The following PTPRN2 variants were observed in gnomAD, a reference collection of about 807,000 sequenced individuals.
The protein encoded by PTPRN2 is protein tyrosine phosphatase receptor type N2, also known as receptor-type tyrosine-protein phosphatase N2.
Under a neutral mutation model 118.8 loss-of-function variants are expected in PTPRN2, and 74 were observed. The observed-to-expected ratio is 0.62, with a 90% CI of 0.52 to 0.76. The LOEUF (loss-of-function observed/expected upper bound fraction) is 0.76. Ranked by LOEUF, PTPRN2 falls within the 30% of genes least tolerant of loss-of-function variation. The pLI is 0.00. For synonymous variants in PTPRN2, 641 were observed against 608.0 expected (o/e 1.05, Z -0.80); for missense variants, 1,481 against 1,394.4 (o/e 1.06, Z -0.99).
At chr7:158,472,868 G>T (rs1320356370) in intron 2 of PTPRN2, among the ~76,000 whole-genome samples, 2 of 152,176 alleles carry the variant, frequency 1.3e-5, no homozygotes, top group East Asian at 3.9e-4. Context: ...GGCAGCAGTG[G>T]CGGCGGGGCG....
At chr7:158,177,793 T>A (rs918389250) in intron 5 of PTPRN2, among the ~76,000 whole-genome samples, 2 of 152,232 alleles carry the variant, frequency 1.3e-5, no homozygotes, top group Admixed American at 1.3e-4. Context: ...TTGGGTTTTT[T>A]CAGTTGTGGG....
At chr7:158,154,078 C>A (rs1330661396) in intron 6 of PTPRN2, among the ~76,000 whole-genome samples, 1 of 152,218 alleles carries the variant, frequency 6.6e-6, no homozygotes, top group Non-Finnish European at 1.5e-5. Flanking sequence ...GGCACCCACA[C>A]TGCCATGTTT....
chr7:158,369,963 AG>A (rs1443455069), intron 2 of PTPRN2, among the ~76,000 whole-genome samples: 3 of 152,218 alleles, frequency 2.0e-5, no homozygotes, highest in Non-Finnish European at 1.5e-5. Flanking sequence ...CTCAGCGGGC[AG>A]GAGGCCCAGT....
intron 9 of PTPRN2, among the ~76,000 whole-genome samples, chr7:158,121,007 G>A (rs1817126574): frequency 6.6e-6 from 1 of 152,094 alleles, no homozygotes. Flanking sequence ...AACCCTCCTG[G>A]CAGGCAAGTG....
chr7:158,384,105 A>T (rs1173683527), intron 2 of PTPRN2, among the ~76,000 whole-genome samples: 1 of 152,134 alleles, frequency 6.6e-6, no homozygotes, highest in Non-Finnish European at 1.5e-5. Flanking sequence ...TCACACACTC[A>T]TGATTTGCGT....
chr7:158,260,237 T>G (rs899976592), intron 3 of PTPRN2, among the ~76,000 whole-genome samples: 2 of 152,220 alleles, frequency 1.3e-5, no homozygotes, highest in African/African-American at 4.8e-5. Context: ...TTAGCAATGC[T>G]GAGGACTCTC....
intron 21 of PTPRN2, among the ~76,000 whole-genome samples, chr7:157,559,471 G>A (rs1204871453): frequency 6.6e-6 from 1 of 152,194 alleles, no homozygotes; most frequent in Non-Finnish European, 1.5e-5. Flanking sequence ...CAGAGTGGGT[G>A]GGAGCGAGAG....
intron 6 of PTPRN2, among the ~76,000 whole-genome samples, chr7:158,142,445 CTGT>C (rs1819478393): frequency 6.6e-6 from 1 of 152,252 alleles, no homozygotes; most frequent in South Asian, 2.1e-4. Context: ...AAGTAACAAA[CTGT>C]TGTTTCAACA....
At position 157,820,906 on chromosome 7, in the gene PTPRN2, G is replaced by A. The variant is rs111768360; in HGVS notation, c.1788+77767C>T. ...GGCTCACTTTTTGCCCTTTGGAGCC[G>A]AGGATGAAGGAAACAGTAACTGCCA... On this transcript the variant is annotated intron_variant, in intron 12 of 22. Coordinates refer to ENST00000389418, the MANE Select transcript of PTPRN2 (RefSeq NM_002847.5). Among the ~76,000 whole-genome samples, 8 of 152,342 alleles carry A rather than the reference G, an allele frequency of 5.3e-5. 2 individuals are homozygous for A. The highest frequency in any genetic ancestry group is 1.9e-4 in the East Asian group (1 of 5,184).
At chr7:157,851,424 A>C (rs1012339875) in intron 12 of PTPRN2, among the ~76,000 whole-genome samples, 1 of 152,166 alleles carries the variant, frequency 6.6e-6, no homozygotes, top group Non-Finnish European at 1.5e-5. Flanking sequence ...CTGAAACCCA[A>C]CCTACGGAGG....
chr7:157,675,996 A>C (rs1208901624), intron 13 of PTPRN2, among the ~76,000 whole-genome samples: 1 of 152,160 alleles, frequency 6.6e-6, no homozygotes, highest in East Asian at 1.9e-4. Context: ...AGCAGGCAGA[A>C]TGTGCCTCTT....
chr7:157,631,485 T>A (rs980785102), intron 14 of PTPRN2, among the ~76,000 whole-genome samples: 1 of 152,126 alleles, frequency 6.6e-6, no homozygotes, highest in South Asian at 2.1e-4. Flanking sequence ...GATCACGAGG[T>A]CAGGAGATCG....
intron 11 of PTPRN2, among the ~76,000 whole-genome samples, chr7:157,972,963 CA>C (rs1802455974): frequency 6.6e-6 from 1 of 151,820 alleles, no homozygotes; most frequent in African/African-American, 2.4e-5. Context: ...GAGCAGGCTT[CA>C]GAGACCGTAG....
intron 11 of PTPRN2, among the ~76,000 whole-genome samples, chr7:158,078,414 G>A (rs1657091911): frequency 6.6e-6 from 1 of 152,184 alleles, no homozygotes; most frequent in Admixed American, 6.5e-5. Context: ...GGTAACACAG[G>A]CACCACCACA....
At chr7:158,496,876 C>A (rs1306689658) in intron 1 of PTPRN2, among the ~76,000 whole-genome samples, 3 of 8,084 alleles carry the variant, frequency 3.7e-4, no homozygotes, top group African/African-American at 2.3e-3. Context: ...TCCCTGTGCC[C>A]CCTCCCCCTT....
intron 18 of PTPRN2, among the ~76,000 whole-genome samples, 183 bp from the exon 19 acceptor site, chr7:157,576,962 C>T (rs1401353175): frequency 6.6e-6 from 1 of 152,234 alleles, no homozygotes; most frequent in African/African-American, 2.4e-5. Context: ...CCAGTGTTAA[C>T]GCACTGAAGT....
rs145920529 is a variant in PTPRN2, at chr7:157,941,716, G to A, written c.1724-42979C>T. ...ATCCTGAAAGTGCAGGTCTCCCAGA[G>A]CCAGCCACACTCCCTATGCTGGGCT... is the stretch of plus-strand genomic sequence containing the variant. On this transcript the variant is annotated intron_variant, in intron 11 of 22. Coordinates refer to ENST00000389418, the MANE Select transcript of PTPRN2 (RefSeq NM_002847.5). Among the ~76,000 whole-genome samples the A allele has an allele frequency of 1.4e-4, 22 of 152,292 alleles. No individual in the cohort carries two copies. In the East Asian group the frequency reaches 3.1e-3, roughly 21 times the overall value.
intron 12 of PTPRN2, among the ~76,000 whole-genome samples, chr7:157,819,867 TCACA>T (rs1290029435): frequency 6.7e-6 from 1 of 149,646 alleles, no homozygotes; most frequent in Non-Finnish European, 1.5e-5. Flanking sequence ...ACACATGCAG[TCACA>T]CACACGCACA....
At chr7:157,923,295 T>C (rs186208399) in intron 11 of PTPRN2, among the ~76,000 whole-genome samples, 4 of 152,322 alleles carry the variant, frequency 2.6e-5, no homozygotes, top group East Asian at 1.9e-4. Flanking sequence ...CCATAAGTTA[T>C]GATGCTTGTG....
Sources: allele counts gnomAD v4.1 joint callset (sites outside exome capture counted in the v4.1 genomes callset), GRCh38; gene constraint gnomAD v4.1.1; transcripts MANE v1.5; gene names NCBI Gene and HGNC (gene_info 2026-07-23, HGNC 2026-07-21).